SH3BGRL2: variants seen among roughly 807,000 people sequenced by gnomAD.
The protein encoded by SH3BGRL2 is SH3 domain binding glutamate rich protein like 2, also known as SH3 domain-binding glutamic acid-rich-like protein 2.
Under a neutral mutation model 14.8 loss-of-function variants are expected in SH3BGRL2, and 21 were observed. That is an observed-to-expected ratio of 1.42 (90% confidence interval 1.01 to 2.05). The LOEUF (loss-of-function observed/expected upper bound fraction) is 2.05, where lower values mean the gene tolerates loss of function less well. Ranked by LOEUF, SH3BGRL2 falls within the 30% of genes most tolerant of loss-of-function variation. SH3BGRL2 has a pLI of 0.00. For synonymous variants in SH3BGRL2, 50 were observed against 47.8 expected (o/e 1.05, Z -0.19); for missense variants, 147 against 130.8 (o/e 1.12, Z -0.61).
the SH3BGRL2 span, among the ~76,000 whole-genome samples, chr6:79,579,761 C>T: frequency 3.3e-5 from 5 of 152,246 alleles, no homozygotes; most frequent in Admixed American, 2.6e-4. Flanking sequence ...AAATAACCAG[C>T]GAACATCATA....
chr6:79,573,719 T>G, the SH3BGRL2 span, among the ~76,000 whole-genome samples: 1 of 152,246 alleles, frequency 6.6e-6, no homozygotes, highest in Non-Finnish European at 1.5e-5. Context: ...TGATACCTTA[T>G]TTTTGTTTTT....
the SH3BGRL2 span, among the ~76,000 whole-genome samples, chr6:79,601,341 ACCACAC>A: frequency 6.6e-6 from 1 of 152,098 alleles, no homozygotes; most frequent in African/African-American, 2.4e-5. Context: ...GGCATGCAGC[ACCACAC>A]CCAGCTAATT....
At chr6:79,561,789 A>G in the SH3BGRL2 span, among the ~76,000 whole-genome samples, 1 of 152,130 alleles carries the variant, frequency 6.6e-6, no homozygotes, top group Non-Finnish European at 1.5e-5. Context: ...ATCTGAGTGG[A>G]TCACCTATGG....
chr6:79,622,053 G>A, the SH3BGRL2 span, among the ~76,000 whole-genome samples: 1 of 152,068 alleles, frequency 6.6e-6, no homozygotes, highest in Non-Finnish European at 1.5e-5. Context: ...TGAGGACATT[G>A]TTAGACTGAT....
chr6:79,669,384 T>A (rs16890918), intron 1 of SH3BGRL2, among the ~76,000 whole-genome samples: 2,986 of 152,034 alleles, frequency 0.02, 85 homozygotes, highest in African/African-American at 0.066. Context: ...CCTGTGAACG[T>A]CTTGTCTAGT....
At chr6:79,559,204 C>G in the SH3BGRL2 span, among the ~76,000 whole-genome samples, 1 of 152,050 alleles carries the variant, frequency 6.6e-6, no homozygotes, top group African/African-American at 2.4e-5. Context: ...TGTCTCACGC[C>G]TGTAATCCCA....
chr6:79,572,447 A>G, the SH3BGRL2 span, among the ~76,000 whole-genome samples: 5 of 149,332 alleles, frequency 3.3e-5, no homozygotes, highest in Non-Finnish European at 7.4e-5. Flanking sequence ...ATCTATTTTT[A>G]TTTTATTTTA....
intron 1 of SH3BGRL2, among the ~76,000 whole-genome samples, chr6:79,659,519 C>T (rs973523610): frequency 1.5e-4 from 23 of 152,254 alleles, no homozygotes; most frequent in Admixed American, 1.1e-3. Flanking sequence ...GTACCAGTAC[C>T]ATGCTGTTTT....
At chr6:79,641,146 C>T (rs868207442) in intron 1 of SH3BGRL2, among the ~76,000 whole-genome samples, 70 of 117,304 alleles carry the variant, frequency 6.0e-4, no homozygotes, top group African/African-American at 2.4e-3. Context: ...GTTCTCTCAC[C>T]CTTTTGTGTG....
At chr6:79,655,571 A>G (rs1337610465) in intron 1 of SH3BGRL2, among the ~76,000 whole-genome samples, 1 of 152,106 alleles carries the variant, frequency 6.6e-6, no homozygotes, top group African/African-American at 2.4e-5. Flanking sequence ...ACACCCCTTT[A>G]GCAACGGGTC....
chr6:79,552,896 T>C, the SH3BGRL2 span: 1 of 152,234 alleles, frequency 6.6e-6, no homozygotes, highest in Non-Finnish European at 1.5e-5. Context: ...CATGTTAAGT[T>C]AGATGGTTCT....
At chr6:79,683,706 C>T (rs1226896121) in intron 2 of SH3BGRL2, among the ~76,000 whole-genome samples, 1 of 152,180 alleles carries the variant, frequency 6.6e-6, no homozygotes, top group Non-Finnish European at 1.5e-5. Flanking sequence ...CTTGGCCTCC[C>T]AAAGTGCTGG....
At chr6:79,557,464 T>A in the SH3BGRL2 span, among the ~76,000 whole-genome samples, 1 of 151,914 alleles carries the variant, frequency 6.6e-6, no homozygotes, top group Non-Finnish European at 1.5e-5. Context: ...AATAAAAAAA[T>A]TTAAACTAAT....
chr6:79,552,190 A>G, the SH3BGRL2 span, among the ~76,000 whole-genome samples: 1 of 152,200 alleles, frequency 6.6e-6, no homozygotes, highest in Non-Finnish European at 1.5e-5. Context: ...ATGAGGAGAA[A>G]GTTACTGGAA....
the SH3BGRL2 span, among the ~76,000 whole-genome samples, chr6:79,584,422 A>G: frequency 6.6e-6 from 1 of 152,192 alleles, no homozygotes; most frequent in Non-Finnish European, 1.5e-5. Context: ...ATGGAAATGT[A>G]AAAGAGTCCA....
chr6:79,641,019 C>T (rs896523502), intron 1 of SH3BGRL2, among the ~76,000 whole-genome samples: 12 of 152,156 alleles, frequency 7.9e-5, no homozygotes, highest in Non-Finnish European at 1.5e-4. Context: ...AACAAAAAAC[C>T]CAAAGAGCAA....
At chr6:79,657,132 A>G (rs1769435963) in intron 1 of SH3BGRL2, among the ~76,000 whole-genome samples, 1 of 152,172 alleles carries the variant, frequency 6.6e-6, no homozygotes, top group Non-Finnish European at 1.5e-5. Flanking sequence ...GGAATCGCTG[A>G]TGAGAGTAGG....
chr6:79,593,283 A>T, the SH3BGRL2 span, among the ~76,000 whole-genome samples: 2 of 152,212 alleles, frequency 1.3e-5, no homozygotes, highest in Non-Finnish European at 2.9e-5. Flanking sequence ...CTTTTATGGT[A>T]CACTGTGTGT....
the SH3BGRL2 span, among the ~76,000 whole-genome samples, chr6:79,595,360 T>C: frequency 2.0e-5 from 3 of 151,920 alleles, no homozygotes; most frequent in Non-Finnish European, 4.4e-5. Context: ...ACTACAAATT[T>C]GGGGGAAATA....
Sources: allele counts gnomAD v4.1 joint callset (sites outside exome capture counted in the v4.1 genomes callset), GRCh38; gene constraint gnomAD v4.1.1; transcripts MANE v1.5; gene names NCBI Gene and HGNC (gene_info 2026-07-23, HGNC 2026-07-21).